ADARB2: variants seen among roughly 807,000 people sequenced by gnomAD.
The protein encoded by ADARB2 is inactive double-stranded RNA-specific editase B2.
Under a neutral mutation model 62.2 loss-of-function variants are expected in ADARB2, and 25 were observed. That is an observed-to-expected ratio of 0.40 (90% CI 0.29 to 0.56). The LOEUF (loss-of-function observed/expected upper bound fraction) is 0.56, where lower values mean the gene tolerates loss of function less well. ADARB2 is among the 20% of genes least tolerant of loss of function. The pLI, the probability that ADARB2 is intolerant of heterozygous loss-of-function variation, is 0.43. For synonymous variants in ADARB2, 572 were observed against 500.8 expected (o/e 1.14, Z -1.90); for missense variants, 1,071 against 1,077.4 (o/e 0.99, Z 0.08).
At chr10:1,217,179 T>G (rs1589154577) in intron 6 of ADARB2, 60 bp from the exon 7 acceptor site, 1 of 1,462,772 alleles carries the variant, frequency 6.8e-7, no homozygotes, top group South Asian at 1.4e-5. Flanking sequence ...TTTTGGGAGG[T>G]GGGAGAAGAG....
In ADARB2 at chr10:1,557,827, G is replaced by A. The variant is rs146583839; in HGVS notation, c.101-178667C>T. Reference sequence around the variant, plus strand: ...CTCTGGAGCCTGAGACATGAGAATCGTTTGAACCCGGGAGGCGGAGGTTGC... The same window carrying A: ...CTCTGGAGCCTGAGACATGAGAATCATTTGAACCCGGGAGGCGGAGGTTGC... On this transcript the variant is annotated intron_variant, in intron 1 of 9. Transcript: ENST00000381312. Among the ~76,000 whole-genome samples, 459 of 143,396 alleles carry A rather than the reference G, an allele frequency of 3.2e-3. 2 individuals are homozygous for A. Among genetic ancestry groups the A allele is most frequent in the Middle Eastern group, 0.021 (6 of 282 alleles). 94.1% of individuals were successfully genotyped at this position (143,396 alleles called of 152,430 possible). A position where few individuals can be genotyped will look rare whatever the true frequency, so the allele number is the denominator to read the frequency against.
At chr10:1,485,508 A>C (rs1831528662) in intron 1 of ADARB2, among the ~76,000 whole-genome samples, 2 of 151,906 alleles carry the variant, frequency 1.3e-5, no homozygotes, top group African/African-American at 4.8e-5. Flanking sequence ...TGCATCAACA[A>C]CTCTCACCCG....
intron 3 of ADARB2, among the ~76,000 whole-genome samples, chr10:1,358,046 G>C (rs1832213625): frequency 6.6e-6 from 1 of 152,180 alleles, no homozygotes; most frequent in Admixed American, 6.5e-5. Flanking sequence ...GTGTGAGAGA[G>C]GAAGTAACAG....
intron 1 of ADARB2, among the ~76,000 whole-genome samples, chr10:1,591,661 A>ACACG (rs1208511117): frequency 1.4e-5 from 2 of 146,180 alleles, no homozygotes; most frequent in African/African-American, 5.4e-5. Context: ...GCGTGCACGC[A>ACACG]CACACACACA....
At chr10:1,188,497 C>T (rs1013915278) in intron 8 of ADARB2, among the ~76,000 whole-genome samples, 8 of 152,248 alleles carry the variant, frequency 5.3e-5, no homozygotes, top group South Asian at 2.1e-4. Flanking sequence ...CATGTGCTTA[C>T]GCTTTGAGCT....
At chr10:1,587,162 G>A (rs1020093102) in intron 1 of ADARB2, among the ~76,000 whole-genome samples, 6 of 151,922 alleles carry the variant, frequency 3.9e-5, no homozygotes, top group African/African-American at 9.7e-5. Context: ...AGTACACATA[G>A]TTTGAGAGTA....
chr10:1,540,485 T>C (rs2944604), intron 1 of ADARB2, among the ~76,000 whole-genome samples: 43,738 of 89,516 alleles, frequency 0.49, 10,430 homozygotes, highest in East Asian at 0.69. Context: ...CACTCAGACG[T>C]AGTTCAGACC....
At chr10:1,488,584 A>G (rs1363090429) in intron 1 of ADARB2, among the ~76,000 whole-genome samples, 1 of 151,156 alleles carries the variant, frequency 6.6e-6, no homozygotes, top group Non-Finnish European at 1.5e-5. Context: ...TGCAGGATCA[A>G]TGATCAATGA....
At chr10:1,463,742 G>A (rs1411773374) in intron 1 of ADARB2, among the ~76,000 whole-genome samples, 1 of 146,238 alleles carries the variant, frequency 6.8e-6, no homozygotes, top group East Asian at 1.9e-4. Context: ...AGAATGAAAA[G>A]AGAAGCCACA....
At chr10:1,285,130 C>A (rs890371600) in intron 3 of ADARB2, among the ~76,000 whole-genome samples, 1 of 142,870 alleles carries the variant, frequency 7.0e-6, no homozygotes, top group Non-Finnish European at 1.6e-5. Flanking sequence ...AGCATAAATT[C>A]TTTTTTATAT....
At chr10:1,560,595 T>C (rs562980602) in intron 1 of ADARB2, among the ~76,000 whole-genome samples, 1 of 30,790 alleles carries the variant, frequency 3.2e-5, no homozygotes, top group East Asian at 8.2e-4. Context: ...GTGGGTTGGA[T>C]TGGAGAGTTC....
At chr10:1,605,933 C>T (rs1032314535) in intron 1 of ADARB2, among the ~76,000 whole-genome samples, 2 of 152,156 alleles carry the variant, frequency 1.3e-5, no homozygotes, top group Non-Finnish European at 2.9e-5. Flanking sequence ...GTCCATAGAA[C>T]AATCAGTTTG....
At chr10:1,410,353 G>A (rs1832749373) in intron 1 of ADARB2, among the ~76,000 whole-genome samples, 2 of 152,160 alleles carry the variant, frequency 1.3e-5, no homozygotes, top group South Asian at 4.1e-4. Flanking sequence ...GCCTGGCTGT[G>A]GTCATGGGGA....
At chr10:1,709,457 A>G (rs1312444993) in intron 1 of ADARB2, among the ~76,000 whole-genome samples, 2 of 152,248 alleles carry the variant, frequency 1.3e-5, no homozygotes, top group Admixed American at 6.5e-5. Context: ...TTGAATTCCA[A>G]TGAGCAAGCA....
rs1277223476 is a variant in ADARB2 at position 1,398,170 on chromosome 10, T to G, written c.101-19010A>C. On this transcript the variant is annotated intron_variant, in intron 1 of 9. Transcript: ENST00000381312. The surrounding 1 kb of genome is among the most constrained non-coding windows in gnomAD (Gnocchi z 4.1). ...GTGCAGGCTTCCTGGGTCACCGTCCTCCTCTCCCGTCCCGAGTGCAGGCTT... is the reference window on the plus strand; with the variant it reads ...GTGCAGGCTTCCTGGGTCACCGTCCGCCTCTCCCGTCCCGAGTGCAGGCTT... 1.6e-5 allele frequency among the ~76,000 whole-genome samples: 2 copies of G among 123,564 alleles called. No homozygotes were observed. The allele number at this position is 123,564 out of a possible 152,430, so 81.1% of individuals were successfully genotyped here. A position where few individuals can be genotyped will look rare whatever the true frequency, so the allele number is the denominator to read the frequency against.
chr10:1,583,419 A>G (rs1049355135), intron 1 of ADARB2, among the ~76,000 whole-genome samples: 1 of 152,206 alleles, frequency 6.6e-6, no homozygotes, highest in African/African-American at 2.4e-5. Context: ...ATAAAGCAGA[A>G]TTTTTAAGAT....
intron 1 of ADARB2, among the ~76,000 whole-genome samples, chr10:1,470,887 C>T (rs954256301): frequency 6.6e-6 from 1 of 152,062 alleles, no homozygotes; most frequent in African/African-American, 2.4e-5. Context: ...GGTGAAACCC[C>T]GTCTCTACTA....
intron 1 of ADARB2, among the ~76,000 whole-genome samples, chr10:1,420,680 C>G (rs1270312528): frequency 6.6e-6 from 1 of 150,884 alleles, no homozygotes; most frequent in Non-Finnish European, 1.5e-5. Flanking sequence ...CGAGTGAGCA[C>G]AGCGCTGACA....
chr10:1,316,917 C>G (rs912727554), intron 3 of ADARB2, among the ~76,000 whole-genome samples: 11 of 152,192 alleles, frequency 7.2e-5, no homozygotes, highest in Admixed American at 7.2e-4. Context: ...GTTTTGTGTG[C>G]GTGTGTCTGT....
Sources: allele counts gnomAD v4.1 joint callset (sites outside exome capture counted in the v4.1 genomes callset), GRCh38; gene constraint gnomAD v4.1.1; non-coding constraint Gnocchi (gnomAD v3.1); transcripts MANE v1.5; gene names NCBI Gene and HGNC (gene_info 2026-07-23, HGNC 2026-07-21).